The following MBNL2 variants were observed in gnomAD, a reference collection of about 807,000 sequenced individuals.
MBNL2 encodes the protein muscleblind like splicing regulator 2, also known as muscleblind-like protein 2.
Under a neutral mutation model 41.9 loss-of-function variants are expected in MBNL2, and 17 were observed. The ratio of observed to expected loss-of-function variants is 0.41; its 90% confidence interval spans 0.28 to 0.61. The LOEUF (loss-of-function observed/expected upper bound fraction) is 0.61. Ranked by LOEUF, MBNL2 falls within the 20% of genes least tolerant of loss-of-function variation. MBNL2 has a pLI of 0.35. For synonymous variants in MBNL2, 195 were observed against 182.9 expected (o/e 1.07, Z -0.53); for missense variants, 336 against 505.6 (o/e 0.66, Z 3.22).
chr13:97,225,180 A>C (rs2041414266), intron 1 of MBNL2, among the ~76,000 whole-genome samples: 1 of 152,234 alleles, frequency 6.6e-6, no homozygotes, highest in South Asian at 2.1e-4. Context: ...AGGGAGTGCC[A>C]TAGAAATTCA....
At position 97,232,851 on chromosome 13, in the gene MBNL2, A is replaced by ATGTGTGTGTGTG. The variant is rs34769353; in HGVS notation, c.-605+10349_-605+10360dup. Among the ~76,000 whole-genome samples, 566 of 130,562 alleles carry ATGTGTGTGTGTG rather than the reference A, an allele frequency of 4.3e-3. 11 individuals carry two copies. The highest frequency in any genetic ancestry group is 0.016 in the African/African-American group (525 of 33,096). 85.7% of individuals were successfully genotyped at this position (130,562 alleles called of 152,430 possible). A position where few individuals can be genotyped will look rare whatever the true frequency, so the allele number is the denominator to read the frequency against. The stretch of plus-strand genomic sequence containing the variant: ...CGGCCTTTTTCTTACTCTTGACGCT[A>ATGTGTGTGTGTG]TGTGTGTGTGTGTGTGTGTGTGTGT... On this transcript the variant is annotated intron_variant, in intron 1 of 8. Transcript: ENST00000679496.
At chr13:97,360,670 G>A (rs2063325480) in intron 7 of MBNL2, among the ~76,000 whole-genome samples, 1 of 152,196 alleles carries the variant, frequency 6.6e-6, no homozygotes, top group South Asian at 2.1e-4. Context: ...CTGAGGCTGT[G>A]TCTACACCGC....
At chr13:97,281,335 T>G (rs1038810438) in intron 2 of MBNL2, among the ~76,000 whole-genome samples, 1 of 152,314 alleles carries the variant, frequency 6.6e-6, no homozygotes, top group Non-Finnish European at 1.5e-5. Context: ...AGTATCTCAG[T>G]AGATTTCAAA....
chr13:97,259,021 C>G (rs1274687492), intron 1 of MBNL2, among the ~76,000 whole-genome samples: 1 of 152,172 alleles, frequency 6.6e-6, no homozygotes, highest in Non-Finnish European at 1.5e-5. Flanking sequence ...GCAGTCTTTC[C>G]TTGTGAGAGA....
At chr13:97,333,930 GAAAGAAAGAAAGA>G (rs1303060613) in intron 2 of MBNL2, among the ~76,000 whole-genome samples, 4 of 114,496 alleles carry the variant, frequency 3.5e-5, no homozygotes, top group Admixed American at 1.2e-4. Flanking sequence ...AGGAAGAAAG[GAAAGAAAGAAAGA>G]AAAGAAAGAA....
chr13:97,285,240 C>T (rs188767701), intron 2 of MBNL2, among the ~76,000 whole-genome samples: 241 of 152,306 alleles, frequency 1.6e-3, no homozygotes, highest in South Asian at 2.5e-3. Flanking sequence ...AACTTTATAT[C>T]GTTTCACCTC....
Position 97,391,538 on chromosome 13 carries a change from T to C in MBNL2, c.*89T>C. 1 of 732,182 alleles carries C rather than the reference T, an allele frequency of 1.4e-6. No individual in the cohort carries two copies. Among genetic ancestry groups the C allele is most frequent in the Non-Finnish European group, 2.5e-6 (1 of 407,760 alleles). The allele number at this position is 732,182 out of a possible 1,614,324, so 45.4% of individuals were successfully genotyped here. A position where few individuals can be genotyped will look rare whatever the true frequency, so the allele number is the denominator to read the frequency against. On this transcript the variant is annotated 3_prime_UTR_variant, in exon 9 of 9. Coordinates refer to ENST00000679496, the MANE Select transcript of MBNL2 (RefSeq NM_001382683.1). ...TGAGTATTAAATATGGTATGCTTAG[T>C]ATATTCCAACCTAAGATAGTTAACT...
chr13:97,242,274 G>A (rs1454199061), intron 1 of MBNL2, among the ~76,000 whole-genome samples: 1 of 152,186 alleles, frequency 6.6e-6, no homozygotes, highest in Non-Finnish European at 1.5e-5. Context: ...GCGGGCACGT[G>A]GCTCAAATAT....
At chr13:97,288,639 C>A (rs1369467952) in intron 2 of MBNL2, among the ~76,000 whole-genome samples, 3 of 152,218 alleles carry the variant, frequency 2.0e-5, no homozygotes, top group East Asian at 3.8e-4. Context: ...TCACCCATTT[C>A]ACAATTTTTC....
chr13:97,296,573 C>T (rs1219962306), intron 2 of MBNL2, among the ~76,000 whole-genome samples: 1 of 152,114 alleles, frequency 6.6e-6, no homozygotes, highest in Non-Finnish European at 1.5e-5. Flanking sequence ...TGTAGCTATT[C>T]ATGGCCCTTC....
the MBNL2 span, among the ~76,000 whole-genome samples, chr13:97,188,170 T>C: frequency 6.6e-6 from 1 of 152,080 alleles, no homozygotes; most frequent in African/African-American, 2.4e-5. Flanking sequence ...GGCTGACAAA[T>C]GTCTCAGCTG....
chr13:97,363,088 G>C (rs993479877), intron 7 of MBNL2: 1 of 152,234 alleles, frequency 6.6e-6, no homozygotes, highest in African/African-American at 2.4e-5. Context: ...CTTCAGGGTA[G>C]TATGGCCATA....
intron 1 of MBNL2, among the ~76,000 whole-genome samples, chr13:97,227,727 G>T (rs967590710): frequency 1.3e-5 from 2 of 152,174 alleles, no homozygotes; most frequent in Non-Finnish European, 2.9e-5. Flanking sequence ...GTCCCTGGGG[G>T]TGCACATGCT....
At chr13:97,285,224 A>G (rs2054186335) in intron 2 of MBNL2, among the ~76,000 whole-genome samples, 1 of 152,234 alleles carries the variant, frequency 6.6e-6, no homozygotes, top group South Asian at 2.1e-4. Flanking sequence ...TGGCTTTGTC[A>G]CATGTAACTT....
Position 97,392,043 on chromosome 13 carries a change from C to A in MBNL2, c.*594C>A, listed in dbSNP as rs975432391. On this transcript the variant is annotated 3_prime_UTR_variant, in exon 9 of 9. Coordinates refer to ENST00000679496, the MANE Select transcript of MBNL2 (RefSeq NM_001382683.1). Reference sequence around the variant, plus strand: ...AATAGATTGAAAAAGAAACTTTGCACGGTATGAGCTTCATACCCCACCAAA... The same window carrying A: ...AATAGATTGAAAAAGAAACTTTGCAAGGTATGAGCTTCATACCCCACCAAA... The A allele has an allele frequency of 6.6e-6, 1 of 152,610 alleles. No homozygotes were observed. The allele number at this position is 152,610 out of a possible 1,614,324, so 9.5% of individuals were successfully genotyped here.
rs1462090640 is a variant in MBNL2, at chr13:97,366,280, TA to T, written c.1048+1110del. ...TCCTTTAATTGTACTTGTAATAAGC[TA>T]TTTTCCCTTTTTTATTTCTCTCCCA... is the stretch of plus-strand genomic sequence containing the variant. On this transcript the variant is annotated intron_variant, in intron 8 of 8. Transcript: ENST00000679496. This position sits in a 1 kb window ranked among gnomAD's most constrained non-coding sequence, Gnocchi z 4.7. Among the ~76,000 whole-genome samples, 2 of 152,224 alleles carry T rather than the reference TA, an allele frequency of 1.3e-5. No individual in the cohort carries two copies. Among genetic ancestry groups the T allele is most frequent in the Non-Finnish European group, 2.9e-5 (2 of 68,046 alleles).
chr13:97,346,763 C>G lies in MBNL2; in HGVS notation c.541-41C>G. On this transcript the variant is annotated intron_variant, in intron 4 of 8. Coordinates refer to ENST00000679496, the MANE Select transcript of MBNL2 (RefSeq NM_001382683.1). This position sits in a 1 kb window ranked among gnomAD's most constrained non-coding sequence, Gnocchi z 4.2. ...CCGGGGCCGCAGGGGCGCCTGGGCT[C>G]AGGCTTGCCTCTGCAGCGCGGCTCT... 6.3e-7 allele frequency: 1 copy of G among 1,592,360 alleles called. No individual in the cohort carries two copies. Among genetic ancestry groups the G allele is most frequent in the Admixed American group, 1.7e-5 (1 of 58,260 alleles).
In MBNL2 at chr13:97,346,767, C is replaced by G. The variant is rs2061915041; in HGVS notation, c.541-37C>G. ...GGCCGCAGGGGCGCCTGGGCTCAGG[C>G]TTGCCTCTGCAGCGCGGCTCTTCTT... is the stretch of plus-strand genomic sequence containing the variant. On this transcript the variant is annotated intron_variant, in intron 4 of 8. Coordinates refer to ENST00000679496, the MANE Select transcript of MBNL2 (RefSeq NM_001382683.1). The surrounding 1 kb of genome is among the most constrained non-coding windows in gnomAD (Gnocchi z 4.2). 3.8e-6 allele frequency: 6 copies of G among 1,599,376 alleles called. No homozygotes were observed.
chr13:97,253,821 T>C (rs931622557), intron 1 of MBNL2, among the ~76,000 whole-genome samples: 9 of 152,174 alleles, frequency 5.9e-5, no homozygotes, highest in Non-Finnish European at 2.9e-5. Context: ...TACAATGTTA[T>C]ATTGTGTAAT....
Sources: gnomAD v4.1 joint callset for allele counts (sites outside exome capture counted in the v4.1 genomes callset) on GRCh38, gnomAD v4.1.1 for gene constraint, Gnocchi (gnomAD v3.1) non-coding constraint, MANE v1.5 for transcripts, NCBI Gene and HGNC (gene_info 2026-07-23, HGNC 2026-07-21) for gene names.